Variants in BACH2 observed in about 807,000 individuals in gnomAD.
The protein encoded by BACH2 is transcription regulator protein BACH2.
In BACH2, 5 loss-of-function variants were observed where a neutral mutation model predicts 61.8. The ratio of observed to expected loss-of-function variants is 0.08; its 90% CI spans 0.04 to 0.17. The LOEUF (loss-of-function observed/expected upper bound fraction) is 0.17. BACH2 is among the 10% of genes least tolerant of loss of function. The probability of loss-of-function intolerance (pLI) is 1.00; values close to 1 mark genes in which losing one functional copy is unlikely to be tolerated. For synonymous variants in BACH2, 446 were observed against 440.1 expected, an observed-to-expected ratio of 1.01 and a Z score of -0.17; for missense variants, 824 against 1,091.1, an observed-to-expected ratio of 0.76 and a Z score of 3.45.
intron 5 of BACH2, among the ~76,000 whole-genome samples, chr6:90,036,025 G>C (rs535959056): frequency 1.3e-3 from 191 of 151,894 alleles, no homozygotes; most frequent in Non-Finnish European, 1.7e-3. Context: ...TGTAAGATTG[G>C]GGGTGGGTAG....
At chr6:90,170,369 T>A (rs1451382040) in intron 4 of BACH2, among the ~76,000 whole-genome samples, 1 of 152,162 alleles carries the variant, frequency 6.6e-6, no homozygotes, top group Non-Finnish European at 1.5e-5. Context: ...CTTTACCTAT[T>A]TATCTTGTTA....
intron 6 of BACH2, among the ~76,000 whole-genome samples, chr6:89,960,172 C>T (rs1163591178): frequency 6.6e-6 from 1 of 152,168 alleles, no homozygotes; most frequent in African/African-American, 2.4e-5. Flanking sequence ...CTTTTCTGTT[C>T]TTCCAGTTTT....
chr6:90,143,682 C>T (rs746157624), intron 4 of BACH2, among the ~76,000 whole-genome samples: 12 of 152,138 alleles, frequency 7.9e-5, no homozygotes, highest in Non-Finnish European at 1.3e-4. Flanking sequence ...ATGTGCTTCT[C>T]CTCTTTGGCA....
In BACH2 at chr6:89,980,019, G is replaced by A. The variant is rs539183325; in HGVS notation, c.244-28157C>T. Among the ~76,000 whole-genome samples, 12 of 152,288 alleles carry A rather than the reference G, an allele frequency of 7.9e-5. No homozygotes were observed. In the East Asian group the frequency reaches 1.9e-3, roughly 25 times the overall value. ...AAAATATCTGTTTTAGAGGCCAGGC[G>A]TGGTGGCTCACACCTTTAATCCCAG... On this transcript the variant is annotated intron_variant, in intron 6 of 8. Coordinates refer to ENST00000257749, the MANE Select transcript of BACH2 (RefSeq NM_021813.4).
chr6:90,065,270 CTTTTT>C lies in BACH2; in HGVS notation c.-13+23686_-13+23690del, dbSNP rs71027920. 6.3e-3 allele frequency among the ~76,000 whole-genome samples: 330 copies of C among 52,666 alleles called. 6 individuals carry two copies. The highest frequency in any genetic ancestry group is 0.043 in the Middle Eastern group (2 of 46). The allele number at this position is 52,666 out of a possible 152,430, so 34.6% of individuals were successfully genotyped here. On this transcript the variant is annotated intron_variant, in intron 5 of 8. Coordinates refer to ENST00000257749, the MANE Select transcript of BACH2 (RefSeq NM_021813.4). The stretch of plus-strand genomic sequence containing the variant: ...GCCACCCCACCCCCTGCCGCCCCCA[CTTTTT>C]TTTTTTTTTTTTTTTTTTTTTTTTA...
At chr6:90,088,884 G>C (rs1782039747) in intron 5 of BACH2, 77 bp downstream of exon 5, 1 of 152,204 alleles carries the variant, frequency 6.6e-6, no homozygotes, top group African/African-American at 2.4e-5. Flanking sequence ...ATGTGTGCTT[G>C]GGCTATTTGT....
rs753368502 is a variant in BACH2, at chr6:89,951,351, C to T, written c.755G>A (p.Gly252Asp). 3 of 1,614,222 alleles carry T rather than the reference C, an allele frequency of 1.9e-6. No individual in the cohort carries two copies. Among genetic ancestry groups the T allele is most frequent in the South Asian group, 1.1e-5 (1 of 91,092 alleles). ...ATCTTCCCGGAATGTGCTTGCAAAA[C>T]CTGAGGTACTGTGTGATGATGCATT... is the stretch of plus-strand genomic sequence containing the variant. ...VYNASSHSTS[G>D]FASTFREDNS... The change falls in exon 7 of 9, where the codon GGT becomes GAT. Residue 252 changes from glycine (G) to aspartate (D), a missense_variant. Around this residue, in one of 8 missense-constraint regions of BACH2, gnomAD observed 226 missense variants for 228.5 expected, o/e 0.99. Transcript: ENST00000257749. The surrounding 1 kb of genome is among the most constrained non-coding windows in gnomAD (Gnocchi z 6.4).
At chr6:90,087,673 G>GGACT (rs1171821584) in intron 5 of BACH2, among the ~76,000 whole-genome samples, 3 of 151,944 alleles carry the variant, frequency 2.0e-5, no homozygotes. Context: ...CACAAAACCT[G>GGACT]GACTTGCTGG....
At position 89,968,957 on chromosome 6, in the gene BACH2, G is replaced by A. The variant is rs189659427; in HGVS notation, c.244-17095C>T. Reference sequence around the variant, plus strand: ...ATCTGGGAGGCGGAGGTTGCAGTAAGCTGAGATTGTGCCACTGCACTCCAG... The same window carrying A: ...ATCTGGGAGGCGGAGGTTGCAGTAAACTGAGATTGTGCCACTGCACTCCAG... On this transcript the variant is annotated intron_variant, in intron 6 of 8. Transcript: ENST00000257749. Among the ~76,000 whole-genome samples, 1,256 of 152,030 alleles carry A rather than the reference G, an allele frequency of 8.3e-3. 10 individuals are homozygous for A. Among genetic ancestry groups the A allele is most frequent in the Non-Finnish European group, 0.014 (947 of 67,962 alleles).
At position 89,960,665 on chromosome 6, in the gene BACH2, G is replaced by C. The variant is rs148147919; in HGVS notation, c.244-8803C>G. On this transcript the variant is annotated intron_variant, in intron 6 of 8. Transcript: ENST00000257749. ...AATGAAACTCTGCAAATCCTACGAA[G>C]CCCTTTTACCACATGGGGATTTGGT... Among the ~76,000 whole-genome samples, 284 of 152,286 alleles carry C rather than the reference G, an allele frequency of 1.9e-3. 2 individuals carry two copies. Among genetic ancestry groups the C allele is most frequent in the African/African-American group, 5.1e-3 (214 of 41,568 alleles).
At chr6:90,139,467 C>T (rs748150243) in intron 4 of BACH2, among the ~76,000 whole-genome samples, 10 of 152,208 alleles carry the variant, frequency 6.6e-5, no homozygotes, top group Non-Finnish European at 8.8e-5. Flanking sequence ...AAGCTGACTA[C>T]GTGGAGCTGT....
intron 2 of BACH2, among the ~76,000 whole-genome samples, chr6:90,261,423 A>G (rs1253213163): frequency 6.6e-6 from 1 of 152,178 alleles, no homozygotes; most frequent in East Asian, 1.9e-4. Context: ...TTCCCTTAGT[A>G]TCTAAGCTCC....
intron 5 of BACH2, among the ~76,000 whole-genome samples, chr6:90,074,254 T>C (rs568763378): frequency 1.3e-4 from 20 of 152,328 alleles, no homozygotes; most frequent in African/African-American, 4.1e-4. Context: ...AGAGGTCTTA[T>C]TGTTTAAATT....
intron 6 of BACH2, among the ~76,000 whole-genome samples, chr6:89,965,337 A>G (rs993200383): frequency 2.6e-5 from 4 of 152,342 alleles, no homozygotes; most frequent in African/African-American, 9.6e-5. Flanking sequence ...CACTGTGGCA[A>G]TAATCTCCAA....
intron 5 of BACH2, among the ~76,000 whole-genome samples, chr6:90,032,189 T>A (rs10806420): frequency 0.34 from 50,606 of 148,954 alleles, 8,951 homozygotes; most frequent in East Asian, 0.66. Context: ...TCCTTACACC[T>A]TATACAAAAA....
At chr6:90,095,769 C>G (rs929552358) in intron 4 of BACH2, among the ~76,000 whole-genome samples, 4 of 131,728 alleles carry the variant, frequency 3.0e-5, no homozygotes, top group Non-Finnish European at 6.2e-5. Flanking sequence ...CCATCATCAT[C>G]ATCATCATCT....
At chr6:90,241,935 CTTT>C (rs565177176) in intron 3 of BACH2, among the ~76,000 whole-genome samples, 1 of 140,254 alleles carries the variant, frequency 7.1e-6, no homozygotes. Flanking sequence ...TCCTGATTTT[CTTT>C]TTTTTTTTTT....
At chr6:90,025,883 C>T (rs779359756) in intron 5 of BACH2, among the ~76,000 whole-genome samples, 4 of 152,126 alleles carry the variant, frequency 2.6e-5, no homozygotes, top group Non-Finnish European at 5.9e-5. Context: ...ATGCAAAGTG[C>T]GCCATAAAGC....
At chr6:90,185,080 C>T (rs1163645084) in intron 4 of BACH2, among the ~76,000 whole-genome samples, 2 of 152,094 alleles carry the variant, frequency 1.3e-5, no homozygotes, top group Non-Finnish European at 2.9e-5. Flanking sequence ...TGCGTGGCTG[C>T]GTATCAGGAA....
Sources: allele counts gnomAD v4.1 joint callset (sites outside exome capture counted in the v4.1 genomes callset), GRCh38; gene constraint gnomAD v4.1.1; regional missense constraint gnomAD v4.1.1; non-coding constraint Gnocchi (gnomAD v3.1); transcripts MANE v1.5; gene names NCBI Gene and HGNC (gene_info 2026-07-23, HGNC 2026-07-21).